The following ATRNL1 variants were observed in gnomAD, a reference collection of about 807,000 sequenced individuals.
ATRNL1 encodes attractin like 1.
A neutral mutation model predicts 182.7 loss-of-function variants in ATRNL1; 95 were observed. That is an observed-to-expected ratio of 0.52 (90% CI 0.44 to 0.62). ATRNL1 has a LOEUF of 0.62. ATRNL1 is among the 20% of genes least tolerant of loss of function. The pLI is 0.00. For missense variants in ATRNL1, 1,471 were observed against 1,679.5 expected, an observed-to-expected ratio of 0.88 and a Z score of 2.17; for synonymous variants, 576 against 568.3, an observed-to-expected ratio of 1.01 and a Z score of -0.19.
intron 18 of ATRNL1, among the ~76,000 whole-genome samples, chr10:115,333,414 A>T (rs1195109953): frequency 6.6e-6 from 1 of 152,064 alleles, no homozygotes; most frequent in Non-Finnish European, 1.5e-5. Flanking sequence ...ACTTAAATAG[A>T]CTTTCAGTTA....
At chr10:115,297,952 T>G (rs1853288775) in intron 15 of ATRNL1, among the ~76,000 whole-genome samples, 1 of 152,132 alleles carries the variant, frequency 6.6e-6, no homozygotes, top group Admixed American at 6.5e-5. Flanking sequence ...ATTTTGAATG[T>G]GTGATGAACT....
chr10:115,199,199 A>G (rs1848465796), intron 8 of ATRNL1, among the ~76,000 whole-genome samples: 1 of 151,592 alleles, frequency 6.6e-6, no homozygotes, highest in Non-Finnish European at 1.5e-5. Flanking sequence ...TATAGTTTTC[A>G]TTGTACAGAT....
chr10:115,597,766 C>A (rs1052611606), intron 26 of ATRNL1: 23 of 403,640 alleles, frequency 5.7e-5, no homozygotes, highest in Non-Finnish European at 4.4e-5. Flanking sequence ...CAGACTGGAC[C>A]TCAGGCGATC....
chr10:115,197,714 C>G (rs1442366170), intron 8 of ATRNL1, among the ~76,000 whole-genome samples: 3 of 152,104 alleles, frequency 2.0e-5, no homozygotes, highest in Non-Finnish European at 4.4e-5. Context: ...AATTGGCCCT[C>G]TCTGTATAGG....
At chr10:115,712,922 G>A (rs892357327) in intron 26 of ATRNL1, among the ~76,000 whole-genome samples, 4 of 151,252 alleles carry the variant, frequency 2.6e-5, no homozygotes, top group Admixed American at 6.6e-5. Context: ...ACCCAGTCCC[G>A]AGCACATCTT....
intron 28 of ATRNL1, among the ~76,000 whole-genome samples, chr10:115,896,654 G>C (rs1466151137): frequency 6.6e-6 from 1 of 151,910 alleles, no homozygotes; most frequent in East Asian, 1.9e-4. Flanking sequence ...TAGTTAAAAA[G>C]AAAAAGAATA....
chr10:115,112,590 T>C (rs1844306035), intron 1 of ATRNL1, among the ~76,000 whole-genome samples: 1 of 152,152 alleles, frequency 6.6e-6, no homozygotes, highest in Admixed American at 6.5e-5. Context: ...ACATCAAATT[T>C]ATGGTGAAGC....
chr10:115,323,358 G>C (rs769386687), intron 18 of ATRNL1, among the ~76,000 whole-genome samples: 6 of 148,824 alleles, frequency 4.0e-5, no homozygotes, highest in Non-Finnish European at 5.9e-5. Context: ...TTCTCTATTT[G>C]ATGAGACATT....
chr10:115,913,935 C>T (rs1555116561), intron 28 of ATRNL1, among the ~76,000 whole-genome samples: 1 of 152,096 alleles, frequency 6.6e-6, no homozygotes, highest in Non-Finnish European at 1.5e-5. Context: ...GTGATATGAC[C>T]TAGCCCTGTG....
At chr10:115,592,323 G>A (rs1000617654) in intron 26 of ATRNL1, among the ~76,000 whole-genome samples, 6 of 152,124 alleles carry the variant, frequency 3.9e-5, no homozygotes, top group Non-Finnish European at 5.9e-5. Flanking sequence ...AGATCTAAAA[G>A]TTGAAACAAA....
chr10:115,108,222 A>G lies in ATRNL1; in HGVS notation c.294-11963A>G, dbSNP rs114654256. ...TTACTATATGCAGTTAAAAGTAGCC[A>G]CGCAGCTCTTTCAATATTTTGCTTA... On this transcript the variant is annotated intron_variant, in intron 1 of 28. Transcript: ENST00000355044. Among the ~76,000 whole-genome samples, 707 of 152,288 alleles carry G rather than the reference A, an allele frequency of 4.6e-3. 5 individuals carry two copies. Among genetic ancestry groups the G allele is most frequent in the African/African-American group, 0.016 (677 of 41,554 alleles).
intron 28 of ATRNL1, among the ~76,000 whole-genome samples, chr10:115,889,573 G>T (rs1555110663): frequency 6.6e-6 from 1 of 152,152 alleles, no homozygotes; most frequent in Non-Finnish European, 1.5e-5. Flanking sequence ...CCCATGTGCT[G>T]GACAGTGTGC....
At chr10:115,163,162 T>C (rs148290738) in intron 6 of ATRNL1, among the ~76,000 whole-genome samples, 2 of 151,626 alleles carry the variant, frequency 1.3e-5, no homozygotes, top group East Asian at 1.9e-4. Context: ...AGACAAAATA[T>C]GGTGATGTAG....
intron 28 of ATRNL1, among the ~76,000 whole-genome samples, chr10:115,860,037 A>G (rs1293128750): frequency 6.6e-6 from 1 of 152,224 alleles, no homozygotes; most frequent in East Asian, 1.9e-4. Context: ...GATGGGTAGC[A>G]TATCCAAAGC....
At chr10:115,898,920 AC>A (rs1439143806) in intron 28 of ATRNL1, among the ~76,000 whole-genome samples, 1 of 151,872 alleles carries the variant, frequency 6.6e-6, no homozygotes, top group Non-Finnish European at 1.5e-5. Context: ...ATAATATGAA[AC>A]TTTTTTTGTT....
At chr10:115,917,131 G>T (rs1402283834) in intron 28 of ATRNL1, among the ~76,000 whole-genome samples, 1 of 152,162 alleles carries the variant, frequency 6.6e-6, no homozygotes, top group Admixed American at 6.5e-5. Context: ...CACTTTAGTG[G>T]CTGTGCTACC....
At chr10:115,239,148 T>C (rs1850303784) in intron 9 of ATRNL1, among the ~76,000 whole-genome samples, 1 of 152,108 alleles carries the variant, frequency 6.6e-6, no homozygotes, top group Non-Finnish European at 1.5e-5. Flanking sequence ...TGTTCCTTGA[T>C]CCATATTATT....
chr10:115,853,932 A>G (rs1454449128), intron 28 of ATRNL1, among the ~76,000 whole-genome samples: 2 of 152,160 alleles, frequency 1.3e-5, no homozygotes, highest in Non-Finnish European at 2.9e-5. Context: ...AGAAGAAACT[A>G]TTTTACCTTG....
intron 28 of ATRNL1, among the ~76,000 whole-genome samples, chr10:115,940,677 CTCTCTCTCTCTCTCTCTCT>C (rs1231841770): frequency 3.4e-5 from 3 of 87,830 alleles, no homozygotes; most frequent in Non-Finnish European, 6.1e-5. Context: ...AGATTACTCT[CTCTCTCTCTCTCTCTCTCT>C]CTTCTCTCTC....
Sources: allele counts gnomAD v4.1 joint callset (sites outside exome capture counted in the v4.1 genomes callset), GRCh38; gene constraint gnomAD v4.1.1; transcripts MANE v1.5; gene names NCBI Gene and HGNC (gene_info 2026-07-23, HGNC 2026-07-21).